The following PTBP2 variants were observed in gnomAD, a reference collection of about 807,000 sequenced individuals.
PTBP2 encodes the protein polypyrimidine tract binding protein 2.
A neutral mutation model predicts 61.4 loss-of-function variants in PTBP2; 13 were observed. The ratio of observed to expected loss-of-function variants is 0.21; its 90% CI spans 0.14 to 0.34. The LOEUF (loss-of-function observed/expected upper bound fraction) is 0.34, where lower values mean the gene tolerates loss of function less well. Ranked by LOEUF, PTBP2 falls within the 10% of genes least tolerant of loss-of-function variation. The pLI, the probability that PTBP2 is intolerant of heterozygous loss-of-function variation, is 1.00. For synonymous variants in PTBP2, 215 were observed against 218.5 expected (o/e 0.98, Z 0.14); for missense variants, 405 against 642.6 (o/e 0.63, Z 4.00).
intron 2 of PTBP2, among the ~76,000 whole-genome samples, chr1:96,734,903 C>CTTTTTTTTTTTTTTT (rs369053938): frequency 3.2e-5 from 4 of 124,964 alleles, no homozygotes; most frequent in Non-Finnish European, 4.9e-5. Context: ...CTTTTTTTTT[C>CTTTTTTTTTTTTTTT]TTTTTTTTTT....
At chr1:96,773,168 A>G (rs188957972) in intron 5 of PTBP2, among the ~76,000 whole-genome samples, 1 of 150,254 alleles carries the variant, frequency 6.7e-6, no homozygotes, top group Non-Finnish European at 1.5e-5. Context: ...AGGCCTACAC[A>G]TGGATGGATG....
intron 7 of PTBP2, among the ~76,000 whole-genome samples, chr1:96,783,152 G>T (rs972422058): frequency 5.3e-5 from 8 of 151,862 alleles, no homozygotes; most frequent in Non-Finnish European, 1.2e-4. Context: ...AAGTGAGCTT[G>T]CATATATTTT....
At chr1:96,760,550 A>G (rs930361597) in intron 3 of PTBP2, among the ~76,000 whole-genome samples, 1 of 146,356 alleles carries the variant, frequency 6.8e-6, no homozygotes, top group African/African-American at 2.6e-5. Flanking sequence ...GGTTCAAGCG[A>G]TTCTCCTGCC....
At chr1:96,771,002 G>A (rs776273124) in intron 5 of PTBP2, 151 bp downstream of exon 5, 9 of 612,686 alleles carry the variant, frequency 1.5e-5, no homozygotes, top group Non-Finnish European at 2.2e-5. Context: ...ATGTTTCTAA[G>A]TATTAAATAC....
intron 2 of PTBP2, among the ~76,000 whole-genome samples, chr1:96,734,826 T>A (rs1050462091): frequency 1.3e-5 from 2 of 151,914 alleles, no homozygotes; most frequent in African/African-American, 4.8e-5. Context: ...GTCATGTTTT[T>A]CCCAGGAACA....
chr1:96,780,575 A>G (rs1055769180), intron 7 of PTBP2, among the ~76,000 whole-genome samples: 41 of 151,964 alleles, frequency 2.7e-4, no homozygotes, highest in African/African-American at 9.7e-4. Flanking sequence ...ACTGTGCACC[A>G]TTGTCTTAAA....
chr1:96,801,529 C>CTAA (rs1216767553), intron 8 of PTBP2, among the ~76,000 whole-genome samples: 1 of 151,984 alleles, frequency 6.6e-6, no homozygotes, highest in Non-Finnish European at 1.5e-5. Flanking sequence ...TAACTGAAGG[C>CTAA]TAATAGTATG....
chr1:96,823,688 C>CTA (rs1662754895), exon 14 of PTBP2: 2 of 152,086 alleles, frequency 1.3e-5, no homozygotes, highest in Non-Finnish European at 2.9e-5. Flanking sequence ...CACCTGCTAT[C>CTA]TACTTCCAAT....
intron 2 of PTBP2, among the ~76,000 whole-genome samples, chr1:96,726,756 T>C (rs1276742150): frequency 6.6e-6 from 1 of 152,062 alleles, no homozygotes; most frequent in East Asian, 1.9e-4. Context: ...GACTAATTTT[T>C]GTATTTTTAG....
exon 14 of PTBP2, chr1:96,821,995 A>G (rs936812511): frequency 2.0e-5 from 3 of 152,234 alleles, no homozygotes; most frequent in Non-Finnish European, 2.9e-5. Context: ...ATTACCTGCT[A>G]TGTGCCAGCT....
chr1:96,754,005 A>C (rs569880081), intron 3 of PTBP2, among the ~76,000 whole-genome samples: 1 of 152,294 alleles, frequency 6.6e-6, no homozygotes, highest in African/African-American at 2.4e-5. Flanking sequence ...AATGACTGAG[A>C]ACTTCTAAAA....
chr1:96,778,086 T>C, intron 7 of PTBP2, 140 bp downstream of exon 7: 1 of 378,736 alleles, frequency 2.6e-6, no homozygotes. Context: ...TAAGAAACCT[T>C]AATATTTGTC....
At chr1:96,726,422 G>A (rs1158065955) in intron 2 of PTBP2, among the ~76,000 whole-genome samples, 2 of 149,428 alleles carry the variant, frequency 1.3e-5, no homozygotes, top group Admixed American at 1.3e-4. Flanking sequence ...ACAGGCACAC[G>A]CCGCCATGCC....
chr1:96,765,787 A>C (rs1270615285), intron 3 of PTBP2, among the ~76,000 whole-genome samples: 4 of 152,164 alleles, frequency 2.6e-5, no homozygotes, highest in Non-Finnish European at 2.9e-5. Context: ...ATATTTAATA[A>C]GTAAAGATAG....
At chr1:96,747,707 G>A (rs1381426069) in intron 2 of PTBP2, among the ~76,000 whole-genome samples, 1 of 152,038 alleles carries the variant, frequency 6.6e-6, no homozygotes, top group East Asian at 1.9e-4. Flanking sequence ...AAGTCCTGTT[G>A]GTATAAGAAA....
chr1:96,798,492 G>C (rs1054335761), intron 8 of PTBP2, among the ~76,000 whole-genome samples: 14 of 152,168 alleles, frequency 9.2e-5, no homozygotes, highest in South Asian at 6.2e-4. Flanking sequence ...ATAACTACGA[G>C]ATGTTATGAA....
At chr1:96,807,551 C>T (rs1414850043) in intron 11 of PTBP2, among the ~76,000 whole-genome samples, 1 of 152,162 alleles carries the variant, frequency 6.6e-6, no homozygotes, top group Non-Finnish European at 1.5e-5. Flanking sequence ...CACATTCACA[C>T]CAGTGATTGA....
At chr1:96,780,352 C>T (rs906548017) in intron 7 of PTBP2, among the ~76,000 whole-genome samples, 2 of 151,846 alleles carry the variant, frequency 1.3e-5, no homozygotes, top group Admixed American at 1.3e-4. Context: ...TTTCTATCAC[C>T]CTGCCTCCCC....
chr1:96,740,679 T>C (rs1652879253), intron 2 of PTBP2, among the ~76,000 whole-genome samples: 1 of 152,198 alleles, frequency 6.6e-6, no homozygotes, highest in African/African-American at 2.4e-5. Context: ...TATTTTTATC[T>C]TAAGCAATAT....
Sources: gnomAD v4.1 joint callset for allele counts (sites outside exome capture counted in the v4.1 genomes callset) on GRCh38, gnomAD v4.1.1 for gene constraint, MANE v1.5 for transcripts, NCBI Gene and HGNC (gene_info 2026-07-23, HGNC 2026-07-21) for gene names.